The following C1QTNF2 variants were observed in gnomAD, a reference collection of about 807,000 sequenced individuals.
C1QTNF2 encodes the protein complement C1q tumor necrosis factor-related protein 2.
C1QTNF2 carries 15 observed loss-of-function variants against 17.4 expected under a neutral mutation model. That is an observed-to-expected ratio of 0.86 (90% confidence interval 0.58 to 1.33). C1QTNF2 has a LOEUF of 1.33. C1QTNF2 is among the 40% of genes most tolerant of loss of function. The probability of loss-of-function intolerance (pLI) is 0.00; values close to 1 mark genes in which losing one functional copy is unlikely to be tolerated. For missense variants in C1QTNF2, 381 were observed against 392.3 expected, an observed-to-expected ratio of 0.97 and a Z score of 0.24; for synonymous variants, 154 against 163.3, an observed-to-expected ratio of 0.94 and a Z score of 0.44.
intron 1 of C1QTNF2, among the ~76,000 whole-genome samples, chr5:160,360,117 G>T (rs558393992): frequency 6.6e-6 from 1 of 152,152 alleles, no homozygotes; most frequent in South Asian, 2.1e-4. Context: ...CTCAGCCAGC[G>T]CCCGCTTTCT....
At chr5:160,369,060 TA>T (rs34894197) in intron 1 of C1QTNF2, among the ~76,000 whole-genome samples, 118,849 of 146,830 alleles carry the variant, frequency 0.81, 47,970 homozygotes, top group Middle Eastern at 0.91. Flanking sequence ...TCTTTGAGTT[TA>T]AAAAAAAAAA....
chr5:160,349,197 C>T lies in C1QTNF2; in HGVS notation c.829G>A (p.Ala277Thr). 1 of 1,613,836 alleles carries T rather than the reference C, an allele frequency of 6.2e-7. No individual in the cohort carries two copies. The highest frequency in any genetic ancestry group is 8.5e-7 in the Non-Finnish European group (1 of 1,179,886). Residue 277 changes from alanine (A) to threonine (T), a missense_variant, in exon 3 of 3, where the codon GCC (alanine) becomes ACC (threonine). Coordinates refer to ENST00000652664, the MANE Select transcript of C1QTNF2 (RefSeq NM_031908.6). The surrounding 1 kb of genome is among the most constrained non-coding windows in gnomAD (Gnocchi z 4.3). ...ACCTCGTTGGGGTCATCCTGGTCGG[C>T]ATAGATTAGGAAGCCCGTAAAGAGG... The part of the protein sequence containing the change: ...DSLFTGFLIY[A>T]DQDDPNEV
At chr5:160,362,484 CT>C (rs1305256758) in intron 1 of C1QTNF2, among the ~76,000 whole-genome samples, 2 of 152,338 alleles carry the variant, frequency 1.3e-5, no homozygotes, top group East Asian at 3.9e-4. Flanking sequence ...CCACAGCCCC[CT>C]CTCCTGAGTG....
intron 1 of C1QTNF2, among the ~76,000 whole-genome samples, chr5:160,359,195 A>G (rs1047326997): frequency 2.6e-5 from 4 of 152,154 alleles, no homozygotes; most frequent in African/African-American, 9.7e-5. Context: ...TTATTTACCC[A>G]GAGTCACACA....
At position 160,349,458 on chromosome 5, in the gene C1QTNF2, C is replaced by T. The variant is rs770217401; in HGVS notation, c.568G>A (p.Gly190Ser). 12 of 1,613,914 alleles carry T rather than the reference C, an allele frequency of 7.4e-6. No homozygotes were observed. The highest frequency in any genetic ancestry group is 3.3e-5 in the South Asian group (3 of 91,082). Residue 190 changes from glycine (G) to serine (S), a missense_variant, in exon 3 of 3, where the codon GGC becomes AGC. Coordinates refer to ENST00000652664, the MANE Select transcript of C1QTNF2 (RefSeq NM_031908.6). The surrounding 1 kb of genome is among the most constrained non-coding windows in gnomAD (Gnocchi z 4.3). ...GTGAAGTAGTAGATCCCAGGCACGC[C>T]GCAGACGAACTTGCCGCTGGAAGCA... Reference protein sequence around the residue: ...YNASSGKFVCGVPGIYYFTYD... With the variant: ...YNASSGKFVCSVPGIYYFTYD...
At chr5:160,366,363 AG>A (rs1764248123) in intron 1 of C1QTNF2, among the ~76,000 whole-genome samples, 1 of 152,242 alleles carries the variant, frequency 6.6e-6, no homozygotes. Context: ...GCCCACAGTA[AG>A]CACTCAGTAA....
Position 160,349,148 on chromosome 5 carries a change from G to A in C1QTNF2, c.*20C>T. 6.3e-7 allele frequency: 1 copy of A among 1,591,904 alleles called. No individual in the cohort carries two copies. On this transcript the variant is annotated 3_prime_UTR_variant, in exon 3 of 3. Transcript: ENST00000652664. This position sits in a 1 kb window ranked among gnomAD's most constrained non-coding sequence, Gnocchi z 4.3. ...AAGTCCAGAAGCTTGTTCCCTGCCT[G>A]GAGGACCGCCGTGGCATGTCTATAC...
chr5:160,367,460 G>A (rs1474612174), intron 1 of C1QTNF2, among the ~76,000 whole-genome samples: 1 of 152,174 alleles, frequency 6.6e-6, no homozygotes, highest in Non-Finnish European at 1.5e-5. Flanking sequence ...GGTAACCAAG[G>A]TAATATGAGT....
intron 1 of C1QTNF2, among the ~76,000 whole-genome samples, chr5:160,364,636 G>GAGAC (rs528185774): frequency 2.0e-5 from 3 of 152,208 alleles, no homozygotes; most frequent in Non-Finnish European, 2.9e-5. Flanking sequence ...ATTTCAGGTA[G>GAGAC]AGACTCCTGT....
chr5:160,359,953 C>G, intron 1 of C1QTNF2, among the ~76,000 whole-genome samples: 1 of 152,152 alleles, frequency 6.6e-6, no homozygotes, highest in Non-Finnish European at 1.5e-5. Context: ...AGCACCCACC[C>G]CCCCTACCTT....
At chr5:160,360,682 A>C (rs557284297) in intron 1 of C1QTNF2, among the ~76,000 whole-genome samples, 52 of 152,316 alleles carry the variant, frequency 3.4e-4, no homozygotes, top group Admixed American at 1.9e-3. Flanking sequence ...GGGGGTGGGA[A>C]GGTGTTAGTT....
At chr5:160,359,133 ATTGTCCCATTTTTTTT>A (rs1764105114) in intron 1 of C1QTNF2, among the ~76,000 whole-genome samples, 1 of 151,828 alleles carries the variant, frequency 6.6e-6, no homozygotes, top group African/African-American at 2.4e-5. Flanking sequence ...CTGAGCCCTT[ATTGTCCCATTTTTTTT>A]TTCAGAGGAA....
intron 1 of C1QTNF2, among the ~76,000 whole-genome samples, chr5:160,369,040 A>G (rs1380557564): frequency 7.2e-6 from 1 of 139,382 alleles, no homozygotes; most frequent in Non-Finnish European, 1.5e-5. Flanking sequence ...TGGAATGTAA[A>G]GTATGCTTCT....
intron 1 of C1QTNF2, among the ~76,000 whole-genome samples, chr5:160,368,466 AGATT>A (rs1346747500): frequency 6.7e-6 from 1 of 149,240 alleles, no homozygotes; most frequent in Non-Finnish European, 1.5e-5. Flanking sequence ...CAGGAGGCGG[AGATT>A]GCAGTGAGCC....
rs376701624 is a variant in C1QTNF2 at position 160,349,567 on chromosome 5, C to T, written c.459G>A (p.Ser153=). The T allele has an allele frequency of 1.6e-4, 256 of 1,613,660 alleles. 3 individuals are homozygous for T. The East Asian group carries it at 4.2e-3, about 27-fold the overall frequency. ...CGSGHTKSAF[S]VAVTKSYPRE... ...GTGGGTAGCTCTTGGTCACTGCCACCGAGAAAGCTGACTTGGTATGGCCAC... is the reference window on the plus strand; with the variant it reads ...GTGGGTAGCTCTTGGTCACTGCCACTGAGAAAGCTGACTTGGTATGGCCAC... Residue 153 remains serine (S), a synonymous_variant, in exon 3 of 3, where the codon TCG becomes TCA. Coordinates refer to ENST00000652664, the MANE Select transcript of C1QTNF2 (RefSeq NM_031908.6). The surrounding 1 kb of genome is among the most constrained non-coding windows in gnomAD (Gnocchi z 4.3).
intron 1 of C1QTNF2, among the ~76,000 whole-genome samples, chr5:160,356,346 G>C (rs923882350): frequency 1.3e-4 from 20 of 152,258 alleles, no homozygotes; most frequent in African/African-American, 4.8e-4. Flanking sequence ...GGCTGGGCTA[G>C]AGCAGTGGTT....
At chr5:160,355,272 C>T (rs1460731281) in intron 1 of C1QTNF2, 1 of 984,556 alleles carries the variant, frequency 1.0e-6, no homozygotes, top group Non-Finnish European at 1.2e-6. Context: ...CATTCATCAT[C>T]AGACCATCAT....
intron 1 of C1QTNF2, among the ~76,000 whole-genome samples, chr5:160,358,046 A>G (rs1229502384): frequency 6.6e-6 from 1 of 152,234 alleles, no homozygotes; most frequent in African/African-American, 2.4e-5. Flanking sequence ...GCTTCTCTGG[A>G]CAAAGAGGGA....
At chr5:160,356,196 C>T (rs1764047645) in intron 1 of C1QTNF2, among the ~76,000 whole-genome samples, 2 of 152,252 alleles carry the variant, frequency 1.3e-5, no homozygotes, top group Admixed American at 1.3e-4. Flanking sequence ...GCCTCTCTCT[C>T]AAGAATGAAA....
Sources: gnomAD v4.1 joint callset for allele counts (sites outside exome capture counted in the v4.1 genomes callset) on GRCh38, gnomAD v4.1.1 for gene constraint, Gnocchi (gnomAD v3.1) non-coding constraint, MANE v1.5 for transcripts, NCBI Gene and HGNC (gene_info 2026-07-23, HGNC 2026-07-21) for gene names.